CDK12: variants seen among roughly 807,000 people sequenced by gnomAD.
CDK12 encodes cyclin dependent kinase 12.
In CDK12, 17 loss-of-function variants were observed where a neutral mutation model predicts 133.8. That is an observed-to-expected ratio of 0.13 (90% CI 0.09 to 0.19). CDK12 has a LOEUF of 0.19. Among genes scored for constraint, CDK12 ranks in the 10% least tolerant of loss-of-function variants. The probability of loss-of-function intolerance (pLI) is 1.00; values close to 1 mark genes in which losing one functional copy is unlikely to be tolerated. For missense variants in CDK12, 1,508 were observed against 1,818.7 expected (o/e 0.83, Z 3.11); for synonymous variants, 694 against 683.6 (o/e 1.02, Z -0.24).
At chr17:39,517,907 C>T (rs2146522532) in intron 10 of CDK12, among the ~76,000 whole-genome samples, 1 of 151,430 alleles carries the variant, frequency 6.6e-6, no homozygotes, top group South Asian at 2.1e-4. Context: ...GGCTGGAGTG[C>T]AGTGGCACGT....
Position 39,462,010 on chromosome 17 carries a change from T to A in CDK12, c.-62T>A, listed in dbSNP as rs1486175817. ...GTGGAGTTGGGGTTGGGGGGGTGGG[T>A]GGGGGTTGCTTTTTGGAGTGCTGGG... is the stretch of plus-strand genomic sequence containing the variant. On this transcript the variant is annotated 5_prime_UTR_variant, in exon 1 of 14. Coordinates refer to ENST00000447079, the MANE Select transcript of CDK12 (RefSeq NM_016507.4). 1 of 1,126,086 alleles carries A rather than the reference T, an allele frequency of 8.9e-7. No homozygotes were observed. The highest frequency in any genetic ancestry group is 2.7e-5 in the African/African-American group (1 of 37,386). 69.8% of individuals were successfully genotyped at this position (1,126,086 alleles called of 1,614,324 possible).
chr17:39,560,500 C>T (rs1377308765), intron 3 of CDK12, among the ~76,000 whole-genome samples: 2 of 152,166 alleles, frequency 1.3e-5, no homozygotes, highest in African/African-American at 4.8e-5. Context: ...ATCATTTTCC[C>T]AAGGTCACAT....
intron 11 of CDK12, among the ~76,000 whole-genome samples, chr17:39,520,837 AT>A (rs1361627499): frequency 6.6e-6 from 1 of 151,328 alleles, no homozygotes; most frequent in Non-Finnish European, 1.5e-5. Context: ...ATTTTTTTGT[AT>A]TTTTGTTTCA....
intron 4 of CDK12, 52 bp downstream of exon 4, chr17:39,492,942 A>T (rs1302957708): frequency 6.9e-7 from 1 of 1,442,684 alleles, no homozygotes; most frequent in Non-Finnish European, 9.5e-7. Flanking sequence ...ATTTAGCAAT[A>T]CTAATATCTT....
chr17:39,512,246 T>C (rs2146392371), intron 8 of CDK12, among the ~76,000 whole-genome samples: 1 of 152,276 alleles, frequency 6.6e-6, no homozygotes, highest in East Asian at 1.9e-4. Flanking sequence ...TATGTTGCCA[T>C]ACCCAGCTTA....
At chr17:39,477,021 AATTATT>A (rs959551542) in intron 2 of CDK12, among the ~76,000 whole-genome samples, 5 of 148,970 alleles carry the variant, frequency 3.4e-5, no homozygotes, top group East Asian at 2.0e-4. Context: ...GCCCTAATCT[AATTATT>A]ATTATTATTT....
intron 7 of CDK12, 51 bp downstream of exon 7, chr17:39,509,812 G>GT (rs756319731): frequency 7.2e-6 from 10 of 1,384,002 alleles, no homozygotes; most frequent in South Asian, 2.3e-5. Context: ...GTTTTGTTTT[G>GT]TTTTTTTGAG....
chr17:39,482,599 A>AGTTTTTTTTT (rs2050800176), intron 2 of CDK12, among the ~76,000 whole-genome samples: 1 of 74,392 alleles, frequency 1.3e-5, no homozygotes, highest in African/African-American at 4.3e-5. Flanking sequence ...AATCAACTAC[A>AGTTTTTTTTT]TTTTTTTTTT....
rs746160085 is a variant in CDK12 at position 39,471,617 on chromosome 17, G to T, written c.1785G>T (p.Val595=). The T allele has an allele frequency of 1.2e-6, 2 of 1,614,096 alleles. No individual in the cohort carries two copies. Among genetic ancestry groups the T allele is most frequent in the Non-Finnish European group, 1.7e-6 (2 of 1,180,032 alleles). ...CTACTCACTCAAAGACATCTGCTGT[G>T]TCCTCTCAGGCAAATTCTCAGCCCC... ...PPSTHSKTSA[V]SSQANSQPPV... is the part of the protein sequence containing the mutation. Residue 595 remains valine (V), a synonymous_variant, in exon 2 of 14, where the codon GTG becomes GTT. Coordinates refer to ENST00000447079, the MANE Select transcript of CDK12 (RefSeq NM_016507.4).
chr17:39,525,677 T>C (rs1213793161), intron 12 of CDK12, among the ~76,000 whole-genome samples, 187 bp from the exon 13 acceptor site: 2 of 152,210 alleles, frequency 1.3e-5, no homozygotes, highest in African/African-American at 2.4e-5. Context: ...TATTAGTGCC[T>C]GTATTTCTTA....
At chr17:39,544,170 T>C (rs112302630), upstream of CDK12, 77 of 474,218 alleles carry the variant, frequency 1.6e-4, 1 homozygote, top group African/African-American at 4.9e-4. Flanking sequence ...GGATGCTTCC[T>C]GGGTGCAAGA....
At chr17:39,520,113 C>T (rs372820553) in intron 11 of CDK12, 26 bp downstream of exon 11, 164 of 1,612,684 alleles carry the variant, frequency 1.0e-4, no homozygotes, top group Non-Finnish European at 1.3e-4. Flanking sequence ...CATGTTGTGA[C>T]CCTAAATCTT....
At chr17:39,473,007 C>T (rs766973639) in intron 2 of CDK12, among the ~76,000 whole-genome samples, 6 of 151,356 alleles carry the variant, frequency 4.0e-5, no homozygotes, top group African/African-American at 7.3e-5. Context: ...ACCTGGGAGG[C>T]GGAGGTTGCA....
chr17:39,494,773 CTTT>C (rs71147348), intron 5 of CDK12, 79 bp downstream of exon 5: 417 of 788,634 alleles, frequency 5.3e-4, no homozygotes, highest in Non-Finnish European at 6.0e-4. Context: ...TTCTTTCTTT[CTTT>C]TTTTTTTTTT....
chr17:39,470,896 C>T lies in CDK12; in HGVS notation c.1064C>T (p.Ser355Phe). The T allele has an allele frequency of 6.2e-7, 1 of 1,605,890 alleles. No individual in the cohort carries two copies. The highest frequency in any genetic ancestry group is 8.5e-7 in the Non-Finnish European group (1 of 1,177,554). ...SPLPSRKSMK[S>F]RSRSPAYSRH... ...TTTTCCAGTAGGAAATCCATGAAGT[C>T]CAGAAGTAGAAGTCCTGCATATTCA... Residue 355 changes from serine (S) to phenylalanine (F), a missense_variant, in exon 2 of 14, where the codon TCC becomes TTC. Ser to Phe is a radical substitution (Grantham distance 155). Around this residue, in one of 9 missense-constraint regions of CDK12, gnomAD observed 460 missense variants for 490.8 expected, o/e 0.94. Coordinates refer to ENST00000447079, the MANE Select transcript of CDK12 (RefSeq NM_016507.4).
intron 8 of CDK12, among the ~76,000 whole-genome samples, chr17:39,515,224 TAAAA>T (rs1250688852): frequency 7.2e-5 from 11 of 151,848 alleles, no homozygotes; most frequent in Non-Finnish European, 4.4e-5. Context: ...AAAATAAAAA[TAAAA>T]AAAGTCCAAC....
chr17:39,548,623 G>C (rs2055824524), upstream of CDK12, among the ~76,000 whole-genome samples: 1 of 152,202 alleles, frequency 6.6e-6, no homozygotes, highest in Non-Finnish European at 1.5e-5. Flanking sequence ...TGGTCTAGTG[G>C]ATGTTTGCAG....
chr17:39,467,899 T>A (rs1567679307), intron 1 of CDK12, among the ~76,000 whole-genome samples: 1 of 152,008 alleles, frequency 6.6e-6, no homozygotes, highest in Non-Finnish European at 1.5e-5. Context: ...TTTTTAGTTT[T>A]GTTTTTTTTT....
At chr17:39,465,549 C>T (rs968106131) in intron 1 of CDK12, among the ~76,000 whole-genome samples, 1 of 151,572 alleles carries the variant, frequency 6.6e-6, no homozygotes, top group African/African-American at 2.4e-5. Flanking sequence ...TGCAGTGGAG[C>T]GATCTCGGTT....
Sources: gnomAD v4.1 joint callset for allele counts (sites outside exome capture counted in the v4.1 genomes callset) on GRCh38, gnomAD v4.1.1 for gene constraint, gnomAD v4.1.1 regional missense constraint, MANE v1.5 for transcripts, NCBI Gene and HGNC (gene_info 2026-07-23, HGNC 2026-07-21) for gene names.